Variants in KCNMA1 observed in about 807,000 individuals in gnomAD.
KCNMA1 encodes the protein Calcium-activated potassium channel subunit alpha-1.
A neutral mutation model predicts 140.0 loss-of-function variants in KCNMA1; 29 were observed. The observed-to-expected ratio is 0.21, with a 90% CI of 0.15 to 0.28. KCNMA1 has a LOEUF of 0.28. Ranked by LOEUF, KCNMA1 falls within the 10% of genes least tolerant of loss-of-function variation. The pLI, the probability that KCNMA1 is intolerant of heterozygous loss-of-function variation, is 1.00. For synonymous variants in KCNMA1, 612 were observed against 611.9 expected (o/e 1.00, Z 0.00); for missense variants, 880 against 1,602.2 (o/e 0.55, Z 7.70).
chr10:77,074,394 G>A (rs2096315932), intron 13 of KCNMA1, among the ~76,000 whole-genome samples: 1 of 152,188 alleles, frequency 6.6e-6, no homozygotes, highest in South Asian at 2.1e-4. Flanking sequence ...TTTAAAGAGG[G>A]AAAATGATCA....
At chr10:77,163,031 A>G (rs1471294564) in intron 5 of KCNMA1, among the ~76,000 whole-genome samples, 1 of 152,174 alleles carries the variant, frequency 6.6e-6, no homozygotes, top group Non-Finnish European at 1.5e-5. Context: ...GAGTAAGTAA[A>G]TGCTCAAACA....
chr10:77,334,259 C>A (rs537723688), intron 2 of KCNMA1, among the ~76,000 whole-genome samples: 2 of 152,238 alleles, frequency 1.3e-5, no homozygotes, highest in South Asian at 4.2e-4. Context: ...GTTCACTGAG[C>A]ATTTTGTGGG....
At chr10:77,216,484 C>G (rs1283692001) in intron 3 of KCNMA1, among the ~76,000 whole-genome samples, 1 of 151,860 alleles carries the variant, frequency 6.6e-6, no homozygotes, top group Non-Finnish European at 1.5e-5. Flanking sequence ...TAAGTTGCCA[C>G]CAACAAAAAA....
intron 14 of KCNMA1, among the ~76,000 whole-genome samples, chr10:77,056,501 T>TA (rs1236035720): frequency 1.3e-5 from 2 of 151,938 alleles, no homozygotes; most frequent in African/African-American, 4.8e-5. Context: ...AGTTTCATAA[T>TA]AAAAAAATTA....
rs772923904 is a variant in KCNMA1 at position 77,019,117 on chromosome 10, A to G, written c.1929-18T>C. 4.7e-6 allele frequency: 6 copies of G among 1,278,208 alleles called. No homozygotes were observed. The highest frequency in any genetic ancestry group is 1.5e-5 in the African/African-American group (1 of 68,396). The allele number at this position is 1,278,208 out of a possible 1,614,324, so 79.2% of individuals were successfully genotyped here. A position where few individuals can be genotyped will look rare whatever the true frequency, so the allele number is the denominator to read the frequency against. On this transcript the variant is annotated intron_variant, in intron 16 of 27. Transcript: ENST00000286628. ...TTAATATACTGCTCAGTGAACAAAA[A>G]CAAACAGAGAAGATACATTTGTGAG...
intron 5 of KCNMA1, among the ~76,000 whole-genome samples, chr10:77,172,822 C>T (rs950229816): frequency 5.9e-5 from 9 of 152,082 alleles, no homozygotes; most frequent in Admixed American, 4.6e-4. Context: ...TTCTAAAGGC[C>T]GGAATGTCCC....
At chr10:77,022,287 G>A (rs2153498378) in intron 16 of KCNMA1, among the ~76,000 whole-genome samples, 1 of 152,302 alleles carries the variant, frequency 6.6e-6, no homozygotes, top group African/African-American at 2.4e-5. Flanking sequence ...CATGTGTCAT[G>A]TGAAGAATCA....
intron 27 of KCNMA1, 50 bp downstream of exon 27, chr10:76,889,401 T>A (rs1007991150): frequency 8.3e-7 from 1 of 1,203,660 alleles, no homozygotes; most frequent in Non-Finnish European, 1.2e-6. Flanking sequence ...GGAAAGGATA[T>A]TAATATTTCT....
chr10:77,122,951 G>A (rs1386979727), intron 5 of KCNMA1, among the ~76,000 whole-genome samples: 1 of 151,884 alleles, frequency 6.6e-6, no homozygotes, highest in African/African-American at 2.4e-5. Context: ...GGCCGAGGCG[G>A]GAGGATCACG....
At chr10:77,295,869 G>T (rs906648989) in intron 2 of KCNMA1, among the ~76,000 whole-genome samples, 1 of 147,076 alleles carries the variant, frequency 6.8e-6, no homozygotes, top group African/African-American at 2.5e-5. Flanking sequence ...TGGGGATGAA[G>T]AGATATTTTA....
intron 23 of KCNMA1, among the ~76,000 whole-genome samples, chr10:76,940,270 G>T (rs528117072): frequency 6.6e-6 from 1 of 152,292 alleles, no homozygotes; most frequent in African/African-American, 2.4e-5. Context: ...TCCCTAGGCT[G>T]GGTCAGTTCT....
intron 1 of KCNMA1, among the ~76,000 whole-genome samples, chr10:77,564,627 T>G (rs1375232847): frequency 6.6e-6 from 1 of 152,210 alleles, no homozygotes; most frequent in Non-Finnish European, 1.5e-5. Flanking sequence ...ATTTCATGCA[T>G]GCCCCTTCCC....
At chr10:77,060,492 T>C (rs1186930017) in intron 14 of KCNMA1, among the ~76,000 whole-genome samples, 1 of 152,160 alleles carries the variant, frequency 6.6e-6, no homozygotes, top group Non-Finnish European at 1.5e-5. Flanking sequence ...GTACTTGTTT[T>C]CTAGTTTCAC....
At chr10:77,536,094 G>A (rs971246251) in intron 1 of KCNMA1, among the ~76,000 whole-genome samples, 2 of 152,180 alleles carry the variant, frequency 1.3e-5, no homozygotes, top group African/African-American at 4.8e-5. Flanking sequence ...TGGTATCCCA[G>A]GTGCCCAGAG....
chr10:77,417,929 C>T (rs999464070), intron 1 of KCNMA1, among the ~76,000 whole-genome samples: 3 of 152,178 alleles, frequency 2.0e-5, no homozygotes, highest in African/African-American at 4.8e-5. Flanking sequence ...TCTACCGCTC[C>T]GAGCACAGCC....
At chr10:77,605,001 C>T (rs1438776213) in intron 1 of KCNMA1, among the ~76,000 whole-genome samples, 1 of 151,866 alleles carries the variant, frequency 6.6e-6, no homozygotes, top group Non-Finnish European at 1.5e-5. Context: ...CTCCAAAAAA[C>T]ACAGGGTCAC....
chr10:76,920,292 GA>G (rs965196144), intron 23 of KCNMA1, among the ~76,000 whole-genome samples: 1 of 151,212 alleles, frequency 6.6e-6, no homozygotes, highest in Non-Finnish European at 1.5e-5. Flanking sequence ...AGAACCCAAA[GA>G]AAAAAAATAG....
At chr10:76,948,967 T>C in intron 22 of KCNMA1, 175 bp downstream of exon 22, 2 of 684,994 alleles carry the variant, frequency 2.9e-6, no homozygotes, top group South Asian at 1.6e-5. Flanking sequence ...TTTAATAAGG[T>C]CTCCCAGGGT....
intron 5 of KCNMA1, among the ~76,000 whole-genome samples, chr10:77,138,984 A>G (rs1596900934): frequency 6.6e-6 from 1 of 152,172 alleles, no homozygotes; most frequent in Admixed American, 6.5e-5. Context: ...TTGCTTGTTC[A>G]GGTGCCTGCC....
Sources: allele counts gnomAD v4.1 joint callset (sites outside exome capture counted in the v4.1 genomes callset), GRCh38; gene constraint gnomAD v4.1.1; transcripts MANE v1.5; gene names NCBI Gene and HGNC (gene_info 2026-07-23, HGNC 2026-07-21).